Variants in GPR39 observed in about 807,000 individuals in gnomAD.
The protein encoded by GPR39 is G protein-coupled receptor 39, also known as zinc sensing receptor.
GPR39 carries 23 observed loss-of-function variants against 18.4 expected under a neutral mutation model. The observed-to-expected ratio is 1.25, with a 90% CI of 0.90 to 1.77. The LOEUF (loss-of-function observed/expected upper bound fraction) is 1.77. Ranked by LOEUF, GPR39 falls within the 40% of genes most tolerant of loss-of-function variation. The probability of loss-of-function intolerance (pLI) is 0.00; values close to 1 mark genes in which losing one functional copy is unlikely to be tolerated. For synonymous variants in GPR39, 280 were observed against 257.9 expected (o/e 1.09, Z -0.82); for missense variants, 647 against 602.4 (o/e 1.07, Z -0.78).
At chr2:132,633,633 T>C (rs571005880) in intron 1 of GPR39, among the ~76,000 whole-genome samples, 1 of 152,254 alleles carries the variant, frequency 6.6e-6, no homozygotes, top group Non-Finnish European at 1.5e-5. Flanking sequence ...GGAGTGGTCT[T>C]GGTGACAGTG....
Position 132,457,404 on chromosome 2 carries a change from T to G in GPR39, c.856+39506T>G, listed in dbSNP as rs193258060. On this transcript the variant is annotated intron_variant, in intron 1 of 1. Transcript: ENST00000329321. ...CTAATCTTTTTTTAAGGTTTTTAGC[T>G]TCCTTGCGATGGGTTCGAATGTCCT... Among the ~76,000 whole-genome samples the G allele has an allele frequency of 2.6e-3, 390 of 152,330 alleles. 4 individuals carry two copies. The highest frequency in any genetic ancestry group is 9.2e-3 in the African/African-American group (382 of 41,568).
intron 1 of GPR39, among the ~76,000 whole-genome samples, chr2:132,521,992 C>A (rs897842849): frequency 8.5e-5 from 13 of 152,144 alleles, no homozygotes; most frequent in Non-Finnish European, 1.6e-4. Context: ...GTATTTATGG[C>A]TTTTCCTCCC....
At chr2:132,596,396 T>G (rs1275454166) in intron 1 of GPR39, among the ~76,000 whole-genome samples, 1 of 152,130 alleles carries the variant, frequency 6.6e-6, no homozygotes, top group Non-Finnish European at 1.5e-5. Context: ...GCTCAATAAA[T>G]GGTGTTCTTC....
intron 1 of GPR39, among the ~76,000 whole-genome samples, chr2:132,599,789 C>G (rs544344598): frequency 3.0e-4 from 45 of 152,130 alleles, no homozygotes; most frequent in African/African-American, 1.1e-3. Context: ...GTCAGCAGAC[C>G]ATTCAAGCTG....
intron 1 of GPR39, among the ~76,000 whole-genome samples, chr2:132,500,728 A>AT (rs796551046): frequency 7.2e-5 from 11 of 151,876 alleles, no homozygotes; most frequent in African/African-American, 2.2e-4. Context: ...TTTGTTGGCA[A>AT]TTTTTTAATA....
intron 1 of GPR39, among the ~76,000 whole-genome samples, chr2:132,550,717 T>C (rs184679395): frequency 1.3e-5 from 2 of 152,328 alleles, no homozygotes; most frequent in East Asian, 3.9e-4. Flanking sequence ...AGTGATAAAA[T>C]GAGGTCCAGC....
chr2:132,443,770 T>C (rs994473302), intron 1 of GPR39, among the ~76,000 whole-genome samples: 2 of 152,248 alleles, frequency 1.3e-5, no homozygotes, highest in Admixed American at 6.5e-5. Flanking sequence ...ACTTTAAACA[T>C]ATTTTTAAAA....
intron 1 of GPR39, among the ~76,000 whole-genome samples, chr2:132,565,645 G>A (rs1456723267): frequency 9.1e-5 from 13 of 142,884 alleles, no homozygotes; most frequent in Admixed American, 1.4e-4. Context: ...GTGAGAATAT[G>A]CGGTGTTTGA....
chr2:132,526,660 C>T (rs1354818528), intron 1 of GPR39, among the ~76,000 whole-genome samples: 1 of 152,204 alleles, frequency 6.6e-6, no homozygotes, highest in Non-Finnish European at 1.5e-5. Context: ...CCCCGGAGCA[C>T]CTGCATACTC....
chr2:132,620,779 G>A (rs1167069712), intron 1 of GPR39, among the ~76,000 whole-genome samples: 2 of 152,060 alleles, frequency 1.3e-5, no homozygotes, highest in African/African-American at 2.4e-5. Context: ...TTGAGATGGA[G>A]TCTCGCTCTG....
intron 1 of GPR39, among the ~76,000 whole-genome samples, chr2:132,567,299 G>C (rs936836200): frequency 3.3e-5 from 5 of 152,088 alleles, no homozygotes; most frequent in African/African-American, 1.2e-4. Flanking sequence ...TCCAGCCTGG[G>C]GGACAGAGGG....
chr2:132,607,562 G>A (rs1265051954), intron 1 of GPR39, among the ~76,000 whole-genome samples: 1 of 152,140 alleles, frequency 6.6e-6, no homozygotes, highest in Non-Finnish European at 1.5e-5. Flanking sequence ...CTCTCCTGCA[G>A]CCTAAAGTTA....
chr2:132,584,957 G>C lies in GPR39; in HGVS notation c.857-60144G>C, dbSNP rs1379401387. 3.3e-5 allele frequency among the ~76,000 whole-genome samples: 5 copies of C among 152,308 alleles called. No individual in the cohort carries two copies. The South Asian group carries it at 8.3e-4, about 25-fold the overall frequency. ...AGAACCTCCTCAAAAACCTGAGCAC[G>C]GGGGAAGGGGAGGCCATGGGCTCTC... On this transcript the variant is annotated intron_variant, in intron 1 of 1. Coordinates refer to ENST00000329321, the MANE Select transcript of GPR39 (RefSeq NM_001508.3).
chr2:132,424,692 C>T (rs1015995600), intron 1 of GPR39, among the ~76,000 whole-genome samples: 1 of 152,194 alleles, frequency 6.6e-6, no homozygotes, highest in African/African-American at 2.4e-5. Context: ...AGAAGTTAAA[C>T]AGCACAGTTG....
chr2:132,569,786 G>A (rs558149554), intron 1 of GPR39, among the ~76,000 whole-genome samples: 1 of 151,648 alleles, frequency 6.6e-6, no homozygotes, highest in South Asian at 2.1e-4. Context: ...ATGGGGTCAG[G>A]TCTTTCCTGT....
At chr2:132,532,931 G>C (rs1679668932) in intron 1 of GPR39, among the ~76,000 whole-genome samples, 1 of 151,954 alleles carries the variant, frequency 6.6e-6, no homozygotes, top group Admixed American at 6.6e-5. Flanking sequence ...TTTGAAAACT[G>C]GCACAAGACA....
At chr2:132,537,707 A>T (rs1052377465) in intron 1 of GPR39, among the ~76,000 whole-genome samples, 2 of 151,786 alleles carry the variant, frequency 1.3e-5, no homozygotes, top group East Asian at 3.9e-4. Context: ...AGTCTTTTTA[A>T]CATAGTCCCA....
intron 1 of GPR39, among the ~76,000 whole-genome samples, chr2:132,588,013 C>T (rs542557514): frequency 6.6e-6 from 1 of 152,180 alleles, no homozygotes; most frequent in South Asian, 2.1e-4. Flanking sequence ...CTTACTTGGG[C>T]CTTCAGTATG....
chr2:132,489,588 G>C (rs1327442537), intron 1 of GPR39, among the ~76,000 whole-genome samples: 1 of 152,006 alleles, frequency 6.6e-6, no homozygotes, highest in Non-Finnish European at 1.5e-5. Flanking sequence ...CAGGTACCGG[G>C]TAAGGAAAAC....
Sources: gnomAD v4.1 joint callset for allele counts (sites outside exome capture counted in the v4.1 genomes callset) on GRCh38, gnomAD v4.1.1 for gene constraint, MANE v1.5 for transcripts, NCBI Gene and HGNC (gene_info 2026-07-23, HGNC 2026-07-21) for gene names.